Variants in SULF2 observed in about 807,000 individuals in gnomAD.
SULF2 encodes the protein sulfatase 2, also known as extracellular sulfatase Sulf-2.
Under a neutral mutation model 107.7 loss-of-function variants are expected in SULF2, and 52 were observed. That is an observed-to-expected ratio of 0.48 (90% confidence interval 0.39 to 0.61). SULF2 has a LOEUF of 0.61. SULF2 is among the 20% of genes least tolerant of loss of function. The pLI is 0.00. For missense variants in SULF2, 993 were observed against 1,177.3 expected (o/e 0.84, Z 2.29); for synonymous variants, 460 against 464.3 (o/e 0.99, Z 0.12).
chr20:47,758,162 CT>C (rs373618271), intron 1 of SULF2, among the ~76,000 whole-genome samples: 5,117 of 122,398 alleles, frequency 0.042, 247 homozygotes, highest in African/African-American at 0.12. Context: ...AAAAGTATTC[CT>C]TTTTTTTTTT....
In SULF2 at chr20:47,680,783, C is replaced by T. The variant is rs2087800752; in HGVS notation, c.1065-1979G>A. 1.3e-5 allele frequency among the ~76,000 whole-genome samples: 2 copies of T among 152,220 alleles called. No homozygotes were observed. Among genetic ancestry groups the T allele is most frequent in the South Asian group, 4.1e-4 (2 of 4,832 alleles). On this transcript the variant is annotated intron_variant, in intron 7 of 20. Transcript: ENST00000688720. This position sits in a 1 kb window ranked among gnomAD's most constrained non-coding sequence, Gnocchi z 4.2. The stretch of plus-strand genomic sequence containing the variant: ...ACCCAGCAACCGGCAGCTAATGGGG[C>T]TGAGCTTGTCCAGTGGTCCCGCTCC...
chr20:47,669,826 T>C (rs2087403502), intron 11 of SULF2, among the ~76,000 whole-genome samples: 1 of 152,304 alleles, frequency 6.6e-6, no homozygotes, highest in South Asian at 2.1e-4. Context: ...TAAGCATTAA[T>C]AAGGGGAAAA....
rs776969263 is a variant in SULF2, at chr20:47,666,254, A to G, written c.1805+6T>C. On this transcript the variant is annotated splice_donor_region_variant and intron_variant, in intron 12 of 20. Transcript: ENST00000688720. The surrounding 1 kb of genome is among the most constrained non-coding windows in gnomAD (Gnocchi z 5.4). ...CTTCACCCTCGACTTCCACCTGGAC[A>G]CTCACCGATGTGTCACTTTAATGGG... 6.2e-7 allele frequency: 1 copy of G among 1,611,956 alleles called. No homozygotes were observed. The highest frequency in any genetic ancestry group is 1.4e-5 in the African/African-American group (1 of 74,060).
At chr20:47,686,128 G>A (rs2087995254) in intron 5 of SULF2, 1 of 152,262 alleles carries the variant, frequency 6.6e-6, no homozygotes. Flanking sequence ...CTTGGGAGAG[G>A]TTATCATTGG....
At chr20:47,737,539 C>G (rs2089766262) in intron 2 of SULF2, among the ~76,000 whole-genome samples, 1 of 152,032 alleles carries the variant, frequency 6.6e-6, no homozygotes, top group Non-Finnish European at 1.5e-5. Flanking sequence ...GCCACAAACC[C>G]TGCTGGCCTC....
intron 2 of SULF2, among the ~76,000 whole-genome samples, chr20:47,753,120 G>GA (rs1555856189): frequency 0.06 from 6,822 of 114,508 alleles, 170 homozygotes; most frequent in African/African-American, 0.11. Context: ...AAAAAAAAAA[G>GA]AAAGAAAAGA....
chr20:47,711,131 C>G (rs1170179525), intron 3 of SULF2, among the ~76,000 whole-genome samples: 2 of 152,194 alleles, frequency 1.3e-5, no homozygotes, highest in Non-Finnish European at 1.5e-5. Context: ...CACTGGGAAC[C>G]TCGGCCACCT....
At chr20:47,781,303 C>T (rs2090829912) in intron 1 of SULF2, among the ~76,000 whole-genome samples, 1 of 152,280 alleles carries the variant, frequency 6.6e-6, no homozygotes, top group African/African-American at 2.4e-5. Context: ...ATCGCAGGCA[C>T]TGGCCATCTG....
chr20:47,766,670 T>A (rs919328441), intron 1 of SULF2, among the ~76,000 whole-genome samples: 1 of 151,980 alleles, frequency 6.6e-6, no homozygotes, highest in Non-Finnish European at 1.5e-5. Context: ...TAAGTCAACA[T>A]AGGAAAAGCT....
At chr20:47,673,574 T>C (rs1286431933) in intron 10 of SULF2, among the ~76,000 whole-genome samples, 4 of 151,740 alleles carry the variant, frequency 2.6e-5, no homozygotes, top group Non-Finnish European at 4.4e-5. Context: ...ATCTTGCCCC[T>C]GTCCCGCCCA....
At chr20:47,728,712 C>T (rs757495988) in intron 3 of SULF2, among the ~76,000 whole-genome samples, 1 of 150,432 alleles carries the variant, frequency 6.6e-6, no homozygotes, top group Non-Finnish European at 1.5e-5. Flanking sequence ...GTGGTGTGAT[C>T]TCGGCTCACT....
chr20:47,665,996 G>A, intron 12 of SULF2, 43 bp from the exon 13 acceptor site: 3 of 1,604,648 alleles, frequency 1.9e-6, no homozygotes, highest in Non-Finnish European at 2.6e-6. Context: ...AGGTGGTGGA[G>A]GGGGAGCAGC....
At chr20:47,764,890 C>T (rs771743246) in intron 1 of SULF2, among the ~76,000 whole-genome samples, 1 of 152,192 alleles carries the variant, frequency 6.6e-6, no homozygotes, top group African/African-American at 2.4e-5. Context: ...TGTGTGACCT[C>T]ACGCCACCCT....
At chr20:47,659,372 T>C (rs2146370355) in intron 20 of SULF2, 27 bp downstream of exon 20, 1 of 1,609,866 alleles carries the variant, frequency 6.2e-7, no homozygotes, top group Non-Finnish European at 8.5e-7. Flanking sequence ...ACCAGATTTC[T>C]ATTTGTAAGC....
chr20:47,693,533 G>C (rs1313614112), intron 4 of SULF2, among the ~76,000 whole-genome samples: 1 of 152,226 alleles, frequency 6.6e-6, no homozygotes, highest in African/African-American at 2.4e-5. Flanking sequence ...CAGTGAAAAA[G>C]AACAGAGCTA....
rs1490112391 is a variant in SULF2 at position 47,668,051 on chromosome 20, A to G, written c.1577-1563T>C. On this transcript the variant is annotated intron_variant, in intron 11 of 20. Coordinates refer to ENST00000688720, the MANE Select transcript of SULF2 (RefSeq NM_001387048.1). ...CCTGGGCACTTCTCTCCCTCGGTTT[A>G]GTCTCCCGATGCAAGTACACAAATT... Among the ~76,000 whole-genome samples, 6 of 152,302 alleles carry G rather than the reference A, an allele frequency of 3.9e-5. No individual in the cohort carries two copies. In the East Asian group the frequency reaches 5.8e-4, roughly 15 times the overall value.
At chr20:47,708,887 C>T (rs1209582050) in intron 3 of SULF2, among the ~76,000 whole-genome samples, 1 of 152,172 alleles carries the variant, frequency 6.6e-6, no homozygotes, top group Non-Finnish European at 1.5e-5. Context: ...AGCATCTCCC[C>T]TTTCACGTCT....
At chr20:47,684,273 G>C in intron 6 of SULF2, 158 bp downstream of exon 6, 1 of 701,320 alleles carries the variant, frequency 1.4e-6, no homozygotes, top group Non-Finnish European at 2.2e-6. Flanking sequence ...TGTCTGGATT[G>C]CTCCAAGCTG....
intron 4 of SULF2, among the ~76,000 whole-genome samples, chr20:47,693,188 T>C (rs530282584): frequency 6.6e-6 from 1 of 152,324 alleles, no homozygotes; most frequent in Admixed American, 6.5e-5. Flanking sequence ...TGGAACGTGA[T>C]ATAAAGGTAT....
Sources: gnomAD v4.1 joint callset for allele counts (sites outside exome capture counted in the v4.1 genomes callset) on GRCh38, gnomAD v4.1.1 for gene constraint, Gnocchi (gnomAD v3.1) non-coding constraint, MANE v1.5 for transcripts, NCBI Gene and HGNC (gene_info 2026-07-23, HGNC 2026-07-21) for gene names.